The following CCDC144A variants were observed in gnomAD, a reference collection of about 807,000 sequenced individuals.
CCDC144A encodes the protein coiled-coil domain-containing protein 144A.
CCDC144A carries 41 observed loss-of-function variants against 143.8 expected under a neutral mutation model. The observed-to-expected ratio is 0.29, with a 90% CI of 0.22 to 0.37. CCDC144A has a LOEUF of 0.37. Among genes scored for constraint, CCDC144A ranks in the 10% least tolerant of loss-of-function variants. CCDC144A has a pLI of 1.00. For synonymous variants in CCDC144A, 242 were observed against 517.9 expected, an observed-to-expected ratio of 0.47 and a Z score of 7.23; for missense variants, 637 against 1,488.8, an observed-to-expected ratio of 0.43 and a Z score of 9.41.
upstream of CCDC144A, among the ~76,000 whole-genome samples, chr17:16,684,753 G>A (rs537283888): frequency 3.5e-4 from 53 of 152,062 alleles, no homozygotes; most frequent in Non-Finnish European, 7.1e-4. Flanking sequence ...TACTTCAGCC[G>A]AGAAGTTTGA....
At chr17:16,754,003 T>G (rs1330849181) in intron 12 of CCDC144A, among the ~76,000 whole-genome samples, 2 of 152,264 alleles carry the variant, frequency 1.3e-5, no homozygotes, top group Non-Finnish European at 1.5e-5. Flanking sequence ...CTGATTCAAT[T>G]ACATTACCGT....
intron 15 of CCDC144A, among the ~76,000 whole-genome samples, chr17:16,769,956 T>C (rs1319884019): frequency 5.3e-5 from 8 of 151,036 alleles, no homozygotes; most frequent in African/African-American, 9.8e-5. Flanking sequence ...GCCTCCTGAG[T>C]AGCTGGGACT....
the CCDC144A span, chr17:16,683,403 G>A: frequency 8.9e-5 from 71 of 794,224 alleles, no homozygotes; most frequent in Middle Eastern, 2.6e-3. Flanking sequence ...TGGTTCTTGG[G>A]AGTCAAAATG....
chr17:16,755,337 A>G, intron 12 of CCDC144A, among the ~76,000 whole-genome samples: 2 of 151,978 alleles, frequency 1.3e-5, no homozygotes, highest in Non-Finnish European at 2.9e-5. Context: ...TTACCTCTAC[A>G]ATTTGCTGGT....
chr17:16,716,206 T>C (rs972801435), intron 6 of CCDC144A, among the ~76,000 whole-genome samples: 66 of 152,278 alleles, frequency 4.3e-4, no homozygotes, highest in Non-Finnish European at 7.9e-4. Context: ...CCAGAAGAAT[T>C]CGCTACATAG....
chr17:16,770,656 C>CT (rs1198512948), intron 15 of CCDC144A, among the ~76,000 whole-genome samples: 1 of 151,938 alleles, frequency 6.6e-6, no homozygotes, highest in African/African-American at 2.4e-5. Context: ...GACATTCATA[C>CT]GTTTAAGTAA....
intron 15 of CCDC144A, chr17:16,765,994 G>A (rs1178369434): frequency 6.6e-6 from 1 of 152,322 alleles, no homozygotes; most frequent in Non-Finnish European, 1.5e-5. Flanking sequence ...ACACATCCAT[G>A]ACACAGCCTC....
At chr17:16,722,856 T>C (rs972454094) in intron 8 of CCDC144A, among the ~76,000 whole-genome samples, 1 of 152,162 alleles carries the variant, frequency 6.6e-6, no homozygotes, top group Non-Finnish European at 1.5e-5. Flanking sequence ...GCATGATAGC[T>C]CATTATCGCA....
At chr17:16,708,328 C>G (rs918565924) in intron 4 of CCDC144A, among the ~76,000 whole-genome samples, 3 of 152,084 alleles carry the variant, frequency 2.0e-5, no homozygotes, top group Admixed American at 2.0e-4. Flanking sequence ...TGAAGATTGC[C>G]TACCCTCCAG....
At chr17:16,689,025 G>A (rs1390106582), upstream of CCDC144A, among the ~76,000 whole-genome samples, 1 of 152,124 alleles carries the variant, frequency 6.6e-6, no homozygotes, top group Non-Finnish European at 1.5e-5. Flanking sequence ...CTAGGCTGAA[G>A]CCCTGAGGCT....
At chr17:16,742,638 G>A (rs1197849625) in intron 12 of CCDC144A, among the ~76,000 whole-genome samples, 6 of 152,024 alleles carry the variant, frequency 3.9e-5, no homozygotes. Flanking sequence ...AACTTCCATG[G>A]TTATACTAGT....
At chr17:16,769,770 C>T (rs1449475745) in intron 15 of CCDC144A, among the ~76,000 whole-genome samples, 2 of 151,846 alleles carry the variant, frequency 1.3e-5, no homozygotes, top group Non-Finnish European at 2.9e-5. Context: ...TATTTTTTGT[C>T]TCATGCTTAA....
the CCDC144A span, among the ~76,000 whole-genome samples, chr17:16,681,574 T>C: frequency 6.6e-6 from 1 of 152,018 alleles, no homozygotes; most frequent in African/African-American, 2.4e-5. Context: ...AACAGGAGCG[T>C]TGGCCGGGCA....
the CCDC144A span, chr17:16,684,312 G>T: frequency 1.3e-6 from 1 of 741,540 alleles, no homozygotes; most frequent in Non-Finnish European, 2.5e-6. Context: ...TTATGTAAGT[G>T]GTTTAATGAC....
intron 12 of CCDC144A, among the ~76,000 whole-genome samples, chr17:16,742,723 CTTTG>C (rs982630558): frequency 3.3e-5 from 5 of 151,910 alleles, no homozygotes; most frequent in African/African-American, 1.2e-4. Flanking sequence ...CTTCTGGTTT[CTTTG>C]TTTTTTGTTT....
chr17:16,756,016 T>C (rs1288905028), intron 12 of CCDC144A, among the ~76,000 whole-genome samples: 2 of 152,246 alleles, frequency 1.3e-5, no homozygotes, highest in Admixed American at 6.5e-5. Context: ...CCCTTGTATG[T>C]GACTTGGTGT....
upstream of CCDC144A, among the ~76,000 whole-genome samples, chr17:16,685,204 T>C (rs1169578748): frequency 1.3e-5 from 2 of 152,040 alleles, no homozygotes; most frequent in African/African-American, 4.8e-5. Context: ...TTTTTGTGTT[T>C]TTGGTAGCGA....
intron 2 of CCDC144A, among the ~76,000 whole-genome samples, chr17:16,704,300 A>G (rs1462310893): frequency 6.6e-6 from 1 of 152,116 alleles, no homozygotes. Flanking sequence ...TAAAAATAAA[A>G]AAAAATTAGC....
At chr17:16,704,063 CAT>C (rs1224558372) in intron 2 of CCDC144A, among the ~76,000 whole-genome samples, 1 of 152,200 alleles carries the variant, frequency 6.6e-6, no homozygotes, top group Non-Finnish European at 1.5e-5. Context: ...TTTTAAACCA[CAT>C]ATGTGGTTGT....
Sources: allele counts gnomAD v4.1 joint callset (sites outside exome capture counted in the v4.1 genomes callset), GRCh38; gene constraint gnomAD v4.1.1; transcripts MANE v1.5; gene names NCBI Gene and HGNC (gene_info 2026-07-23, HGNC 2026-07-21).